Variants in MAP3K21 observed in about 807,000 individuals in gnomAD.
MAP3K21 encodes the protein mitogen-activated protein kinase kinase kinase 21.
In MAP3K21, 63 loss-of-function variants were observed where a neutral mutation model predicts 86.1. That is an observed-to-expected ratio of 0.73 (90% CI 0.60 to 0.90). The LOEUF is 0.90. MAP3K21 is among the 40% of genes least tolerant of loss of function. The pLI, the probability that MAP3K21 is intolerant of heterozygous loss-of-function variation, is 0.00. For synonymous variants in MAP3K21, 558 were observed against 564.8 expected (o/e 0.99, Z 0.17); for missense variants, 1,220 against 1,367.7 (o/e 0.89, Z 1.70).
chr1:233,334,695 A>G (rs1188184100), intron 1 of MAP3K21, among the ~76,000 whole-genome samples: 2 of 152,188 alleles, frequency 1.3e-5, no homozygotes, highest in Non-Finnish European at 2.9e-5. Flanking sequence ...GAGGCAAGGG[A>G]GAGCCATTGA....
At chr1:233,374,377 C>G (rs2102765826) in intron 6 of MAP3K21, among the ~76,000 whole-genome samples, 1 of 152,004 alleles carries the variant, frequency 6.6e-6, no homozygotes, top group South Asian at 2.1e-4. Flanking sequence ...AGTTTCACCA[C>G]CTTGGCCAGG....
rs963982 is a variant in MAP3K21 at position 233,379,325 on chromosome 1, C to T, written c.2319C>T (p.Ser773=). 0.2 allele frequency: 324,958 copies of T among 1,613,904 alleles called. 34,971 individuals carry two copies. The highest frequency in any genetic ancestry group is 0.34 in the Admixed American group (20,420 of 60,008). ...AGCGGGCTTCCAAGTCCCGCAGAAGCGCCAGTCCTCCCACAAGCCTGCCAT... is the reference window on the plus strand; with the variant it reads ...AGCGGGCTTCCAAGTCCCGCAGAAGTGCCAGTCCTCCCACAAGCCTGCCAT... ...IFQRASKSRR[S]ASPPTSLPST... is the part of the protein sequence containing the mutation. The change falls in exon 9 of 10, where the codon AGC becomes AGT. Residue 773 remains serine, a synonymous_variant. Coordinates refer to ENST00000366624, the MANE Select transcript of MAP3K21 (RefSeq NM_032435.3).
chr1:233,379,503 A>G lies in MAP3K21; in HGVS notation c.2497A>G (p.Met833Val), dbSNP rs1558464966. ...DSAPVTCDSE[M>V]LTPDFCPTAP... The stretch of plus-strand genomic sequence containing the variant: ...TGCACCTGTCACTTGTGACTCTGAG[A>G]TGCTCACTCCGGATTTTTGTCCCAC... Residue 833 changes from methionine to valine, a missense_variant, in exon 9 of 10, where the codon ATG becomes GTG. Around this residue, in one of 5 missense-constraint regions of MAP3K21, gnomAD observed 632 missense variants for 691.3 expected, o/e 0.91. Transcript: ENST00000366624. The G allele has an allele frequency of 6.2e-7, 1 of 1,614,174 alleles. No homozygotes were observed. The highest frequency in any genetic ancestry group is 2.2e-5 in the East Asian group (1 of 44,866).
chr1:233,365,899 A>C (rs1248294116), intron 5 of MAP3K21, among the ~76,000 whole-genome samples: 1 of 152,242 alleles, frequency 6.6e-6, no homozygotes, highest in African/African-American at 2.4e-5. Flanking sequence ...TCCCATGTTT[A>C]TGGCAACACT....
At chr1:233,333,611 G>A (rs1662853844) in intron 1 of MAP3K21, among the ~76,000 whole-genome samples, 1 of 146,136 alleles carries the variant, frequency 6.8e-6, no homozygotes, top group Admixed American at 6.8e-5. Flanking sequence ...AAAAAAAATA[G>A]GCAATGTCTT....
At position 233,328,065 on chromosome 1, in the gene MAP3K21, C is replaced by A. The variant is rs1316276688; in HGVS notation, c.37C>A (p.Pro13Thr). Residue 13 changes from proline (P) to threonine (T), a missense_variant, in exon 1 of 10, where the codon CCG (proline) becomes ACG (threonine). Coordinates refer to ENST00000366624, the MANE Select transcript of MAP3K21 (RefSeq NM_032435.3). This position sits in a 1 kb window ranked among gnomAD's most constrained non-coding sequence, Gnocchi z 8.7. ...GGGCGCCGCGGGAGCGACCGACACC[C>A]CGGTGTCCTCGGCCGGGGGAGCCCC... is the stretch of plus-strand genomic sequence containing the variant. ...LRGAAGATDT[P>T]VSSAGGAPGG... 7.4e-7 allele frequency: 1 copy of A among 1,342,418 alleles called. No homozygotes were observed. The highest frequency in any genetic ancestry group is 1.9e-5 in the South Asian group (1 of 52,648). 83.2% of individuals were successfully genotyped at this position (1,342,418 alleles called of 1,614,324 possible). A position where few individuals can be genotyped will look rare whatever the true frequency, so the allele number is the denominator to read the frequency against.
rs1026871059 is a variant in MAP3K21, at chr1:233,336,170, G to A, written c.805+7337G>A. ...GCTTCAGTGAACCTTAGGAATAAGC[G>A]ATGCATTTTTTCCCTAATATTTTAT... On this transcript the variant is annotated intron_variant, in intron 1 of 9. Transcript: ENST00000366624. 7.2e-5 allele frequency among the ~76,000 whole-genome samples: 11 copies of A among 152,264 alleles called. No individual in the cohort carries two copies. The East Asian group carries it at 1.3e-3, about 19-fold the overall frequency.
chr1:233,345,265 A>G (rs545163974), intron 1 of MAP3K21, among the ~76,000 whole-genome samples: 34 of 152,354 alleles, frequency 2.2e-4, no homozygotes, highest in Middle Eastern at 3.4e-3. Context: ...TCATGCTACT[A>G]TAAAGACAAA....
chr1:233,346,770 C>A, intron 2 of MAP3K21, 148 bp downstream of exon 2: 1 of 694,954 alleles, frequency 1.4e-6, no homozygotes, highest in Non-Finnish European at 2.4e-6. Context: ...ATTGTAATGA[C>A]AACGGAACAG....
At chr1:233,330,039 C>T (rs1317807963) in intron 1 of MAP3K21, among the ~76,000 whole-genome samples, 2 of 152,234 alleles carry the variant, frequency 1.3e-5, no homozygotes, top group Non-Finnish European at 2.9e-5. Context: ...CATTGGCCTA[C>T]AACAGCTGGA....
chr1:233,351,047 G>A (rs1197859479), intron 2 of MAP3K21, among the ~76,000 whole-genome samples: 1 of 151,480 alleles, frequency 6.6e-6, no homozygotes, highest in Non-Finnish European at 1.5e-5. Context: ...TTTAAGTTTT[G>A]TTATTTGTTA....
chr1:233,340,247 G>A (rs1333572624), intron 1 of MAP3K21, among the ~76,000 whole-genome samples: 1 of 152,200 alleles, frequency 6.6e-6, no homozygotes, highest in Non-Finnish European at 1.5e-5. Context: ...CTTGTAAGTG[G>A]CTTCACAGTT....
In MAP3K21 at chr1:233,340,328, G is replaced by T. The variant is rs548129948; in HGVS notation, c.806-6114G>T. 1.1e-4 allele frequency among the ~76,000 whole-genome samples: 17 copies of T among 152,292 alleles called. No individual in the cohort carries two copies. The South Asian group carries it at 3.5e-3, about 32-fold the overall frequency. ...TTGAGTGGGAGGTCCAGTAGGAAGT[G>T]TGAGTTTTATAGAGGGCGGAAGAGG... On this transcript the variant is annotated intron_variant, in intron 1 of 9. Transcript: ENST00000366624.
intron 4 of MAP3K21, 47 bp downstream of exon 4, chr1:233,355,058 CTA>C (rs1434669381): frequency 7.1e-7 from 1 of 1,417,348 alleles, no homozygotes; most frequent in East Asian, 2.3e-5. Context: ...TTTATGAAAA[CTA>C]TGGAAAATAT....
intron 2 of MAP3K21, among the ~76,000 whole-genome samples, chr1:233,352,213 G>T (rs1663263319): frequency 6.6e-6 from 1 of 152,118 alleles, no homozygotes; most frequent in Admixed American, 6.5e-5. Flanking sequence ...TGAAATAATT[G>T]TACATATTTA....
intron 6 of MAP3K21, chr1:233,373,470 C>T (rs1419229601): frequency 6.6e-6 from 1 of 152,264 alleles, no homozygotes; most frequent in Non-Finnish European, 1.5e-5. Flanking sequence ...GAATTCCAAC[C>T]CTCCAAAGTT....
intron 5 of MAP3K21, among the ~76,000 whole-genome samples, chr1:233,365,397 A>G (rs374758822): frequency 6.6e-6 from 1 of 152,230 alleles, no homozygotes; most frequent in East Asian, 1.9e-4. Context: ...GGACTAGCAC[A>G]GAATATACAC....
At chr1:233,352,355 A>G (rs1177315911) in intron 2 of MAP3K21, among the ~76,000 whole-genome samples, 1 of 151,832 alleles carries the variant, frequency 6.6e-6, no homozygotes, top group African/African-American at 2.4e-5. Flanking sequence ...ATCTGAAACT[A>G]TATGATATAT....
chr1:233,333,257 G>A (rs1209622383), intron 1 of MAP3K21, among the ~76,000 whole-genome samples: 1 of 152,150 alleles, frequency 6.6e-6, no homozygotes, highest in African/African-American at 2.4e-5. Flanking sequence ...CTTATACTCA[G>A]GACATGTAGC....
Sources: allele counts gnomAD v4.1 joint callset (sites outside exome capture counted in the v4.1 genomes callset), GRCh38; gene constraint gnomAD v4.1.1; regional missense constraint gnomAD v4.1.1; non-coding constraint Gnocchi (gnomAD v3.1); transcripts MANE v1.5; gene names NCBI Gene and HGNC (gene_info 2026-07-23, HGNC 2026-07-21).